Variants in SYNPO observed in about 807,000 individuals in gnomAD.
SYNPO encodes the protein synaptopodin.
In SYNPO, 19 loss-of-function variants were observed where a neutral mutation model predicts 49.5. The observed-to-expected ratio is 0.38, with a 90% CI of 0.27 to 0.56. SYNPO has a LOEUF of 0.56. Ranked by LOEUF, SYNPO falls within the 20% of genes least tolerant of loss-of-function variation. SYNPO has a pLI of 0.68. For missense variants in SYNPO, 1,131 were observed against 1,248.3 expected, an observed-to-expected ratio of 0.91 and a Z score of 1.42; for synonymous variants, 536 against 548.0, an observed-to-expected ratio of 0.98 and a Z score of 0.31.
chr5:150,608,994 G>A (rs1217909850), intron 1 of SYNPO, among the ~76,000 whole-genome samples: 1 of 152,206 alleles, frequency 6.6e-6, no homozygotes, highest in African/African-American at 2.4e-5. Flanking sequence ...TCAGGAAATG[G>A]GTATGATAGG....
At chr5:150,624,122 C>T (rs1239971900) in intron 2 of SYNPO, among the ~76,000 whole-genome samples, 1 of 152,236 alleles carries the variant, frequency 6.6e-6, no homozygotes, top group Non-Finnish European at 1.5e-5. Context: ...AGCTGCCATA[C>T]AGCACCCTGC....
rs1442316932 is a variant in SYNPO at position 150,656,394 on chromosome 5, C to G, written c.2029-10C>G. On this transcript the variant is annotated splice_polypyrimidine_tract_variant and intron_variant, in intron 2 of 2. Coordinates refer to ENST00000307662, the MANE Select transcript of SYNPO (RefSeq NM_007286.6). ...TAATGCCTGCCCCACCCTCTCTGCT[C>G]TCTCCCCAGGACCGCCGGGAGAGCC... 9 of 1,527,218 alleles carry G rather than the reference C, an allele frequency of 5.9e-6. No homozygotes were observed. Among genetic ancestry groups the G allele is most frequent in the South Asian group, 1.2e-5 (1 of 83,004 alleles). The allele number at this position is 1,527,218 out of a possible 1,614,324, so 94.6% of individuals were successfully genotyped here.
intron 2 of SYNPO, among the ~76,000 whole-genome samples, chr5:150,630,442 T>A (rs1379434462): frequency 6.6e-6 from 1 of 152,196 alleles, no homozygotes; most frequent in Non-Finnish European, 1.5e-5. Context: ...GACCCTCCCA[T>A]GGATCCCTAA....
the SYNPO span, among the ~76,000 whole-genome samples, chr5:150,588,974 T>C: frequency 6.6e-6 from 1 of 152,198 alleles, no homozygotes; most frequent in Admixed American, 6.5e-5. Flanking sequence ...TATTCGAGGC[T>C]ATATTGATTC....
the SYNPO span, among the ~76,000 whole-genome samples, chr5:150,596,076 C>T: frequency 5.3e-5 from 8 of 152,206 alleles, no homozygotes; most frequent in Admixed American, 5.2e-4. Flanking sequence ...TCCTCTGTCC[C>T]CACAATCTCT....
At chr5:150,650,373 C>G in intron 2 of SYNPO, 70 bp downstream of exon 2, 1 of 1,594,460 alleles carries the variant, frequency 6.3e-7, no homozygotes, top group Non-Finnish European at 8.6e-7. Context: ...AAGTTCCCCT[C>G]CTTGAGGGCC....
At chr5:150,586,213 G>A in the SYNPO span, among the ~76,000 whole-genome samples, 1 of 152,232 alleles carries the variant, frequency 6.6e-6, no homozygotes, top group Non-Finnish European at 1.5e-5. Context: ...ATGCTTGACA[G>A]CTGTCTCTCT....
At chr5:150,641,690 C>A (rs971724850) in intron 1 of SYNPO, among the ~76,000 whole-genome samples, 9 of 152,234 alleles carry the variant, frequency 5.9e-5, no homozygotes, top group African/African-American at 2.2e-4. Flanking sequence ...TGACTCCCAA[C>A]ATAGTGATCT....
intron 2 of SYNPO, chr5:150,625,010 C>T: frequency 3.1e-6 from 3 of 976,480 alleles, no homozygotes; most frequent in Non-Finnish European, 3.7e-6. Context: ...GGTGGCACAT[C>T]TGGGCTCCAG....
the SYNPO span, among the ~76,000 whole-genome samples, chr5:150,586,028 C>T: frequency 6.6e-6 from 1 of 152,238 alleles, no homozygotes; most frequent in Non-Finnish European, 1.5e-5. Context: ...CAGGGGCCGG[C>T]ACAAGTACCA....
At position 150,649,382 on chromosome 5, in the gene SYNPO, G is replaced by T; in HGVS notation, c.1107G>T (p.Glu369Asp). ...VPASKTGILEESMARRGSRKS... is the reference protein window; with the variant it reads ...VPASKTGILEDSMARRGSRKS... Reference sequence around the variant, plus strand: ...CCAGCAAGACGGGCATTCTGGAGGAGTCGATGGCCCGCCGGGGCAGCCGCA... The same window carrying T: ...CCAGCAAGACGGGCATTCTGGAGGATTCGATGGCCCGCCGGGGCAGCCGCA... The change falls in exon 2 of 3, where the codon GAG (glutamate) becomes GAT (aspartate). Residue 369 changes from glutamate (E) to aspartate (D), a missense_variant. Physicochemically the swap from Glu to Asp is conservative, Grantham distance 45. This residue lies in a region of SYNPO where 602 missense variants were observed against 720.7 expected (regional missense o/e 0.84). Transcript: ENST00000307662. 1 of 1,614,190 alleles carries T rather than the reference G, an allele frequency of 6.2e-7. No individual in the cohort carries two copies. The highest frequency in any genetic ancestry group is 1.1e-5 in the South Asian group (1 of 91,086).
At chr5:150,612,183 C>T (rs1037526093) in intron 1 of SYNPO, among the ~76,000 whole-genome samples, 7 of 152,176 alleles carry the variant, frequency 4.6e-5, no homozygotes, top group Non-Finnish European at 7.3e-5. Flanking sequence ...CAGACAGTTC[C>T]CCTACCCTAG....
intron 1 of SYNPO, among the ~76,000 whole-genome samples, chr5:150,609,965 A>T (rs1382338773): frequency 2.0e-5 from 3 of 152,096 alleles, no homozygotes; most frequent in Non-Finnish European, 2.9e-5. Flanking sequence ...CCCCTGCCTG[A>T]CCTCAGCCAG....
At chr5:150,586,069 T>C in the SYNPO span, among the ~76,000 whole-genome samples, 1 of 152,244 alleles carries the variant, frequency 6.6e-6, no homozygotes, top group South Asian at 2.1e-4. Flanking sequence ...TTCATTGGCA[T>C]CAGGTTCCCT....
chr5:150,640,034 G>C, upstream of SYNPO: 1 of 715,460 alleles, frequency 1.4e-6, no homozygotes, highest in Non-Finnish European at 1.7e-6. Context: ...GCACCCCTCT[G>C]AGCCAGCGTC....
At position 150,648,099 on chromosome 5, in the gene SYNPO, T is replaced by C. The variant is rs1051361493; in HGVS notation, c.-177T>C. The C allele has an allele frequency of 2.1e-5, 32 of 1,551,690 alleles. No homozygotes were observed. Among genetic ancestry groups the C allele is most frequent in the Non-Finnish European group, 2.7e-5 (31 of 1,147,026 alleles). ...CCGGCAGAGGGTGAACGAGTTCACC[T>C]TGGAGAGCCACGGCCAGAGGGGACA... is the stretch of plus-strand genomic sequence containing the variant. On this transcript the variant is annotated 5_prime_UTR_variant, in exon 2 of 3. Coordinates refer to ENST00000307662, the MANE Select transcript of SYNPO (RefSeq NM_007286.6). This position sits in a 1 kb window ranked among gnomAD's most constrained non-coding sequence, Gnocchi z 5.0.
At chr5:150,597,518 G>A (rs868817127), upstream of SYNPO, among the ~76,000 whole-genome samples, 28 of 151,990 alleles carry the variant, frequency 1.8e-4, no homozygotes, top group Admixed American at 5.2e-4. Flanking sequence ...ATTTTTAGTA[G>A]AGACAAGGTT....
intron 1 of SYNPO, among the ~76,000 whole-genome samples, chr5:150,605,164 C>T (rs1756656558): frequency 6.6e-6 from 1 of 152,310 alleles, no homozygotes; most frequent in Middle Eastern, 3.4e-3. Context: ...CTCTGATAGT[C>T]CCTGCAGTTC....
At position 150,607,045 on chromosome 5, in the gene SYNPO, G is replaced by A. The variant is rs190660903; in HGVS notation, c.-266+5857G>A. ...TCATCCTACATTGGGGGGAGGGGGA[G>A]GGGGTTATTATCTTTTGATAGACTT... On this transcript the variant is annotated intron_variant, in intron 1 of 2. Coordinates refer to the SYNPO transcript ENST00000394243. Among the ~76,000 whole-genome samples, 107 of 152,118 alleles carry A rather than the reference G, an allele frequency of 7.0e-4. 1 individual carries two copies. The highest frequency in any genetic ancestry group is 3.4e-3 in the Middle Eastern group (1 of 294).
Sources: allele counts gnomAD v4.1 joint callset (sites outside exome capture counted in the v4.1 genomes callset), GRCh38; gene constraint gnomAD v4.1.1; regional missense constraint gnomAD v4.1.1; non-coding constraint Gnocchi (gnomAD v3.1); transcripts MANE v1.5; gene names NCBI Gene and HGNC (gene_info 2026-07-23, HGNC 2026-07-21).